The following FERMT3 variants were observed in gnomAD, a reference collection of about 807,000 sequenced individuals.
FERMT3 encodes the protein FERM domain containing kindlin 3, also known as fermitin family homolog 3.
Under a neutral mutation model 80.8 loss-of-function variants are expected in FERMT3, and 33 were observed. The ratio of observed to expected loss-of-function variants is 0.41; its 90% CI spans 0.31 to 0.55. FERMT3 has a LOEUF of 0.55. Ranked by LOEUF, FERMT3 falls within the 20% of genes least tolerant of loss-of-function variation. FERMT3 has a pLI of 0.31. For synonymous variants in FERMT3, 375 were observed against 372.2 expected, an observed-to-expected ratio of 1.01 and a Z score of -0.09; for missense variants, 754 against 908.7, an observed-to-expected ratio of 0.83 and a Z score of 2.19.
intron 2 of FERMT3, among the ~76,000 whole-genome samples, chr11:64,208,260 G>A (rs1946359606): frequency 1.3e-5 from 2 of 152,194 alleles, no homozygotes; most frequent in African/African-American, 4.8e-5. Context: ...AGAACGGCCC[G>A]GCCACAAGAC....
Position 64,210,294 on chromosome 11 carries a change from C to T in FERMT3, c.161-317C>T, listed in dbSNP as rs982959053. ...GTGGATTATGGGAGGACAGAGGGGGCGTCATGTGGAGGGAGCCCAGTGGGC... is the reference window on the plus strand; with the variant it reads ...GTGGATTATGGGAGGACAGAGGGGGTGTCATGTGGAGGGAGCCCAGTGGGC... On this transcript the variant is annotated intron_variant, in intron 2 of 14. Coordinates refer to ENST00000345728, the MANE Select transcript of FERMT3 (RefSeq NM_031471.6). This position sits in a 1 kb window ranked among gnomAD's most constrained non-coding sequence, Gnocchi z 4.3. Among the ~76,000 whole-genome samples the T allele has an allele frequency of 4.6e-5, 7 of 151,962 alleles. No homozygotes were observed. Among genetic ancestry groups the T allele is most frequent in the Middle Eastern group, 3.4e-3 (1 of 294 alleles).
At position 64,220,554 on chromosome 11, in the gene FERMT3, G is replaced by A. The variant is rs199749996; in HGVS notation, c.1430G>A (p.Arg477His). ...QAILAFLSLQ[R>H]TGSGGPGNHP... ...ATCCTGGCCTTCCTCAGCCTGCAGC[G>A]CACGGGCAGTGGGGGCCCGGGCAAC... Residue 477 changes from arginine (R) to histidine (H), a missense_variant, in exon 12 of 15, where the codon CGC (arginine) becomes CAC (histidine). By Grantham distance (29) the Arg-to-His change is conservative. Coordinates refer to ENST00000345728, the MANE Select transcript of FERMT3 (RefSeq NM_031471.6). 127 of 1,607,084 alleles carry A rather than the reference G, an allele frequency of 7.9e-5. 4 individuals are homozygous for A. Among genetic ancestry groups the A allele is most frequent in the South Asian group, 6.6e-4 (60 of 90,324 alleles).
At position 64,223,519 on chromosome 11, in the gene FERMT3, T is replaced by A. The variant is rs1946773413; in HGVS notation, c.*27T>A. 1.9e-6 allele frequency: 3 copies of A among 1,545,330 alleles called. No individual in the cohort carries two copies. The highest frequency in any genetic ancestry group is 2.6e-6 in the Non-Finnish European group (3 of 1,161,446). On this transcript the variant is annotated 3_prime_UTR_variant, in exon 15 of 15. Transcript: ENST00000345728. The stretch of plus-strand genomic sequence containing the variant: ...GGCTGTCTGATTGCCCCTGCCCTGC[T>A]CACCACCCTGTCACAGCCACTCCCA...
chr11:64,214,036 T>C (rs943075218), intron 6 of FERMT3, among the ~76,000 whole-genome samples: 2 of 152,228 alleles, frequency 1.3e-5, no homozygotes, highest in African/African-American at 2.4e-5. Context: ...GTAGTGTCTG[T>C]AGTCTTTGGT....
chr11:64,209,993 T>G (rs1419632478), intron 2 of FERMT3, among the ~76,000 whole-genome samples: 1 of 152,230 alleles, frequency 6.6e-6, no homozygotes, highest in Non-Finnish European at 1.5e-5. Flanking sequence ...GATCGTCATG[T>G]GCGTGCACAA....
chr11:64,206,122 C>T (rs1251920429), upstream of FERMT3, among the ~76,000 whole-genome samples: 1 of 152,148 alleles, frequency 6.6e-6, no homozygotes, highest in Non-Finnish European at 1.5e-5. Flanking sequence ...GTGTTTGGAG[C>T]TGGGTGACCT....
chr11:64,220,308 C>G lies in FERMT3; in HGVS notation c.1293C>G (p.Ile431Met). The G allele has an allele frequency of 6.2e-7, 1 of 1,613,864 alleles. No homozygotes were observed. Among genetic ancestry groups the G allele is most frequent in the South Asian group, 1.1e-5 (1 of 91,084 alleles). The change falls in exon 11 of 15, where the codon ATC (isoleucine) becomes ATG (methionine). Residue 431 changes from isoleucine (I) to methionine (M), a missense_variant. Transcript: ENST00000345728. Reference sequence around the variant, plus strand: ...CCTCCCCTGAGGGCATGAGTGAGATCTACCTGCGGTGCCAGGATGTGAGTG... The same window carrying G: ...CCTCCCCTGAGGGCATGAGTGAGATGTACCTGCGGTGCCAGGATGTGAGTG... ...LVPSPEGMSE[I>M]YLRCQDEQQY...
chr11:64,222,616 A>G (rs2134899694), intron 13 of FERMT3, among the ~76,000 whole-genome samples: 1 of 150,762 alleles, frequency 6.6e-6, no homozygotes. Context: ...CAGAAGAACC[A>G]GTTCTTGCTC....
Position 64,223,517 on chromosome 11 carries a change from G to C in FERMT3, c.*25G>C, listed in dbSNP as rs759019550. ...AGGGCTGTCTGATTGCCCCTGCCCT[G>C]CTCACCACCCTGTCACAGCCACTCC... is the stretch of plus-strand genomic sequence containing the variant. On this transcript the variant is annotated 3_prime_UTR_variant, in exon 15 of 15. Coordinates refer to ENST00000345728, the MANE Select transcript of FERMT3 (RefSeq NM_031471.6). 1 of 1,546,206 alleles carries C rather than the reference G, an allele frequency of 6.5e-7. No individual in the cohort carries two copies. The highest frequency in any genetic ancestry group is 8.6e-7 in the Non-Finnish European group (1 of 1,161,848).
intron 13 of FERMT3, among the ~76,000 whole-genome samples, chr11:64,221,742 C>G (rs1363980561): frequency 1.4e-5 from 2 of 143,024 alleles, no homozygotes; most frequent in East Asian, 2.0e-4. Flanking sequence ...GCCTGGCCAA[C>G]ATAGTGAAAC....
In FERMT3 at chr11:64,220,699, CAT is replaced by C. The variant is rs766955393; in HGVS notation, c.1545+32_1545+33del. On this transcript the variant is annotated intron_variant, in intron 12 of 14. Coordinates refer to ENST00000345728, the MANE Select transcript of FERMT3 (RefSeq NM_031471.6). Reference sequence around the variant, plus strand: ...CAGAAGGCGTCAGGGTGGGAATGAGCATAGTGTTTACCCAGAGACCTCTGACC... The same window carrying C: ...CAGAAGGCGTCAGGGTGGGAATGAGCAGTGTTTACCCAGAGACCTCTGACC... The C allele has an allele frequency of 3.5e-5, 55 of 1,577,454 alleles. No individual in the cohort carries two copies. The Admixed American group carries it at 9.5e-4, about 27-fold the overall frequency.
chr11:64,221,258 C>A, intron 13 of FERMT3, 118 bp downstream of exon 13: 1 of 1,035,968 alleles, frequency 9.7e-7, no homozygotes, highest in Non-Finnish European at 1.4e-6. Context: ...AGACTCCCTT[C>A]CCTTGTTCTT....
At position 64,221,034 on chromosome 11, in the gene FERMT3, G is replaced by T. The variant is rs1443728795; in HGVS notation, c.1564G>T (p.Glu522Ter). The stretch of plus-strand genomic sequence containing the variant: ...CCCGCAGCTCACCCCACGGATCCTG[G>T]AAGCCCACCAGAATGTGGCCCAGTT... ...KAKQLTPRILEAHQNVAQLSL... is the reference protein window; with the variant it reads ...KAKQLTPRIL Residue 522 changes from glutamate (E) to a stop codon, truncating the protein, a stop_gained, in exon 13 of 15, where the codon GAA becomes TAA. Coordinates refer to ENST00000345728, the MANE Select transcript of FERMT3 (RefSeq NM_031471.6). LOFTEE classifies it high-confidence loss of function. 1.2e-6 allele frequency: 2 copies of T among 1,612,762 alleles called. No homozygotes were observed. The highest frequency in any genetic ancestry group is 8.5e-7 in the Non-Finnish European group (1 of 1,179,998).
At chr11:64,223,260 C>T (rs991233219) in intron 14 of FERMT3, 53 bp from the exon 15 acceptor site, 1 of 1,612,976 alleles carries the variant, frequency 6.2e-7, no homozygotes, top group Non-Finnish European at 8.5e-7. Context: ...CAGGGTGGGG[C>T]AGGGGCTGCT....
rs1324155280 is a variant in FERMT3 at position 64,220,522 on chromosome 11, G to A, written c.1398G>A (p.Val466=). The A allele has an allele frequency of 6.8e-6, 11 of 1,607,806 alleles. No individual in the cohort carries two copies. Among genetic ancestry groups the A allele is most frequent in the South Asian group, 1.1e-5 (1 of 90,484 alleles). ...TMADSSYTSE[V]QAILAFLSLQ... ...CCGACAGCAGCTACACCAGCGAGGT[G>A]CAGGCCATCCTGGCCTTCCTCAGCC... is the stretch of plus-strand genomic sequence containing the variant. Residue 466 remains valine, a synonymous_variant, in exon 12 of 15, where the codon GTG becomes GTA. Transcript: ENST00000345728.
rs1946781523 is a variant in FERMT3, at chr11:64,223,727, GTC to G, written c.*237_*238del. On this transcript the variant is annotated 3_prime_UTR_variant, in exon 15 of 15. Coordinates refer to ENST00000345728, the MANE Select transcript of FERMT3 (RefSeq NM_031471.6). Reference sequence around the variant, plus strand: ...AGCTCATGTGGTGCCCCCTTTCCTTGTCTGAGTGGCTGAGGCTGATACCCCTG... The same window carrying G: ...AGCTCATGTGGTGCCCCCTTTCCTTGTGAGTGGCTGAGGCTGATACCCCTG... 1 of 757,858 alleles carries G rather than the reference GTC, an allele frequency of 1.3e-6. No homozygotes were observed. Among genetic ancestry groups the G allele is most frequent in the Admixed American group, 2.6e-5 (1 of 37,878 alleles). 46.9% of individuals were successfully genotyped at this position (757,858 alleles called of 1,614,324 possible).
intron 2 of FERMT3, among the ~76,000 whole-genome samples, chr11:64,208,615 G>A (rs533432029): frequency 2.6e-5 from 4 of 152,322 alleles, no homozygotes; most frequent in East Asian, 1.9e-4. Flanking sequence ...GCCGGCTGCC[G>A]CACAGAGGGC....
chr11:64,210,365 G>A lies in FERMT3; in HGVS notation c.161-246G>A, dbSNP rs1946408754. 6.6e-6 allele frequency among the ~76,000 whole-genome samples: 1 copy of A among 152,208 alleles called. No individual in the cohort carries two copies. The highest frequency in any genetic ancestry group is 1.5e-5 in the Non-Finnish European group (1 of 68,038). On this transcript the variant is annotated intron_variant, in intron 2 of 14. Coordinates refer to ENST00000345728, the MANE Select transcript of FERMT3 (RefSeq NM_031471.6). The surrounding 1 kb of genome is among the most constrained non-coding windows in gnomAD (Gnocchi z 4.3). ...GCTAAGATTGGGGCACTCAGATGCT[G>A]GGTTGGAGAGCTCCCCTGGGAAGCG...
At chr11:64,207,721 C>A in intron 2 of FERMT3, 197 bp downstream of exon 2, 1 of 638,308 alleles carries the variant, frequency 1.6e-6, no homozygotes, top group Middle Eastern at 4.4e-4. Flanking sequence ...CCCTCCCTCC[C>A]TTCTGCTGCA....
Sources: allele counts gnomAD v4.1 joint callset (sites outside exome capture counted in the v4.1 genomes callset), GRCh38; gene constraint gnomAD v4.1.1; non-coding constraint Gnocchi (gnomAD v3.1); transcripts MANE v1.5; gene names NCBI Gene and HGNC (gene_info 2026-07-23, HGNC 2026-07-21).